The following CORO2B variants were observed in gnomAD, a reference collection of about 807,000 sequenced individuals.
The protein encoded by CORO2B is coronin 2B, also known as coronin-2B.
Under a neutral mutation model 58.8 loss-of-function variants are expected in CORO2B, and 26 were observed. That is an observed-to-expected ratio of 0.44 (90% CI 0.32 to 0.61). The LOEUF (loss-of-function observed/expected upper bound fraction) is 0.61, where lower values mean the gene tolerates loss of function less well. Ranked by LOEUF, CORO2B falls within the 20% of genes least tolerant of loss-of-function variation. CORO2B has a pLI of 0.04. For missense variants in CORO2B, 460 were observed against 645.1 expected, an observed-to-expected ratio of 0.71 and a Z score of 3.11; for synonymous variants, 242 against 253.8, an observed-to-expected ratio of 0.95 and a Z score of 0.44.
At position 68,632,054 on chromosome 15, in the gene CORO2B, C is replaced by T. The variant is rs984112680; in HGVS notation, c.16-13106C>T. ...GAGGGTGACTAGCAGCCAGGCCTCC[C>T]AGGCTCCCAGGCCTCTCAGATGCCT... is the stretch of plus-strand genomic sequence containing the variant. On this transcript the variant is annotated intron_variant, in intron 1 of 11. Coordinates refer to ENST00000261861, the MANE Select transcript of CORO2B (RefSeq NM_006091.5). 12 of 985,328 alleles carry T rather than the reference C, an allele frequency of 1.2e-5. No homozygotes were observed. The African/African-American group carries it at 2.1e-4, about 17-fold the overall frequency. 61.0% of individuals were successfully genotyped at this position (985,328 alleles called of 1,614,324 possible). A position where few individuals can be genotyped will look rare whatever the true frequency, so the allele number is the denominator to read the frequency against.
chr15:68,642,778 T>C (rs1419914338), intron 1 of CORO2B, among the ~76,000 whole-genome samples: 8 of 152,168 alleles, frequency 5.3e-5, no homozygotes, highest in Non-Finnish European at 2.9e-5. Context: ...AGAAGGTCAC[T>C]GTGGACTATG....
At chr15:68,682,814 G>A (rs1902833920) in intron 2 of CORO2B, among the ~76,000 whole-genome samples, 1 of 152,182 alleles carries the variant, frequency 6.6e-6, no homozygotes, top group South Asian at 2.1e-4. Flanking sequence ...TGCTGCTGTA[G>A]CAGTGCTTTA....
the CORO2B span, among the ~76,000 whole-genome samples, chr15:68,535,916 A>T: frequency 5.3e-4 from 80 of 152,356 alleles, no homozygotes; most frequent in South Asian, 1.0e-3. Flanking sequence ...GTGATTCTGG[A>T]ACATTGACCT....
chr15:68,706,471 C>T (rs1219367654), intron 3 of CORO2B, among the ~76,000 whole-genome samples: 4 of 152,186 alleles, frequency 2.6e-5, no homozygotes, highest in Non-Finnish European at 5.9e-5. Flanking sequence ...AGGAGGCCCT[C>T]GGGAGGTGTT....
chr15:68,578,875 G>C (rs879689687), upstream of CORO2B: 3 of 348,154 alleles, frequency 8.6e-6, no homozygotes, highest in Non-Finnish European at 8.1e-6. The surrounding 1 kb of genome is among the most constrained non-coding windows in gnomAD (Gnocchi z 4.2). Flanking sequence ...CTCGGGGCAC[G>C]GCCGCTGGCG....
At chr15:68,591,314 C>T (rs1056113715) in intron 1 of CORO2B, among the ~76,000 whole-genome samples, 4 of 152,134 alleles carry the variant, frequency 2.6e-5, no homozygotes, top group African/African-American at 7.2e-5. Context: ...CCAGGTTGAG[C>T]GGGCAGCGTG....
At chr15:68,706,390 T>A (rs1427126932) in intron 3 of CORO2B, among the ~76,000 whole-genome samples, 1 of 151,392 alleles carries the variant, frequency 6.6e-6, no homozygotes, top group Admixed American at 6.6e-5. Flanking sequence ...AGGCTCTCCG[T>A]CTGCATGCAC....
rs139979643 is a variant in CORO2B at position 68,672,416 on chromosome 15, G to A, written c.217-22724G>A. Among the ~76,000 whole-genome samples the A allele has an allele frequency of 1.7e-3, 260 of 151,726 alleles. 1 individual carries two copies. The highest frequency in any genetic ancestry group is 2.6e-3 in the Non-Finnish European group (178 of 67,932). The stretch of plus-strand genomic sequence containing the variant: ...TACATAGAATGTTTGTATAACAGCC[G>A]GGACATAGATGTGCACCACCATGCC... On this transcript the variant is annotated intron_variant, in intron 2 of 11. Coordinates refer to ENST00000261861, the MANE Select transcript of CORO2B (RefSeq NM_006091.5).
intron 2 of CORO2B, among the ~76,000 whole-genome samples, chr15:68,671,271 T>C (rs776045961): frequency 6.6e-6 from 1 of 152,196 alleles, no homozygotes; most frequent in Non-Finnish European, 1.5e-5. Context: ...TGTTTTTTTT[T>C]CCTACTTTCT....
At chr15:68,540,784 AAC>A in the CORO2B span, among the ~76,000 whole-genome samples, 5 of 152,144 alleles carry the variant, frequency 3.3e-5, no homozygotes, top group Non-Finnish European at 7.4e-5. Flanking sequence ...CACACACACA[AAC>A]ACACACACAG....
At chr15:68,616,933 G>T (rs1483828338) in intron 1 of CORO2B, among the ~76,000 whole-genome samples, 1 of 152,148 alleles carries the variant, frequency 6.6e-6, no homozygotes, top group East Asian at 1.9e-4. Context: ...GGGTTTCAAA[G>T]GAAGAAGGGA....
At chr15:68,639,371 T>C (rs1901134825) in intron 1 of CORO2B, among the ~76,000 whole-genome samples, 1 of 152,198 alleles carries the variant, frequency 6.6e-6, no homozygotes, top group Non-Finnish European at 1.5e-5. Flanking sequence ...CATGCATATC[T>C]AAAGCTTGAA....
chr15:68,695,331 C>T (rs1332859012), intron 3 of CORO2B, 75 bp downstream of exon 3: 5 of 1,029,682 alleles, frequency 4.9e-6, no homozygotes, highest in South Asian at 1.3e-5. Context: ...TCTCTTCCTA[C>T]CCTCCCCTCC....
chr15:68,539,823 A>T, the CORO2B span, among the ~76,000 whole-genome samples: 6 of 152,348 alleles, frequency 3.9e-5, no homozygotes, highest in East Asian at 1.2e-3. Flanking sequence ...AAGTAATAGA[A>T]TGAGTGACAT....
intron 1 of CORO2B, among the ~76,000 whole-genome samples, chr15:68,602,407 T>TCACACACACACACACA (rs370587519): frequency 7.2e-5 from 10 of 139,054 alleles, no homozygotes; most frequent in African/African-American, 2.4e-4. Flanking sequence ...TAGGGGCTGA[T>TCACACACACACACACA]CACACACACA....
chr15:68,591,154 G>A (rs1899695671), intron 1 of CORO2B, among the ~76,000 whole-genome samples: 1 of 152,128 alleles, frequency 6.6e-6, no homozygotes, highest in South Asian at 2.1e-4. Context: ...GTGGAGGCGT[G>A]GAACAGCAGT....
Position 68,579,119 on chromosome 15 carries a change from G to T in CORO2B, c.-144G>T. ...TCCCTGCGCGCTGCCCGCCCGGAGC[G>T]CAGCCCCCAGGCTCGGCCGAGCCGC... is the stretch of plus-strand genomic sequence containing the variant. On this transcript the variant is annotated 5_prime_UTR_variant, in exon 1 of 12. Coordinates refer to ENST00000261861, the MANE Select transcript of CORO2B (RefSeq NM_006091.5). 2 of 982,250 alleles carry T rather than the reference G, an allele frequency of 2.0e-6. No homozygotes were observed. Among genetic ancestry groups the T allele is most frequent in the Non-Finnish European group, 2.4e-6 (2 of 828,666 alleles). 60.8% of individuals were successfully genotyped at this position (982,250 alleles called of 1,614,324 possible).
At chr15:68,679,981 C>A (rs889731579) in intron 2 of CORO2B, among the ~76,000 whole-genome samples, 1 of 152,216 alleles carries the variant, frequency 6.6e-6, no homozygotes, top group African/African-American at 2.4e-5. Context: ...GATTCCATGA[C>A]TTCCATGGGG....
intron 2 of CORO2B, 47 bp from the exon 3 acceptor site, chr15:68,695,093 G>A (rs1465942371): frequency 2.7e-6 from 4 of 1,472,214 alleles, no homozygotes; most frequent in East Asian, 2.3e-5. Flanking sequence ...CCACCCCAGG[G>A]CCATCAAACT....
Sources: gnomAD v4.1 joint callset for allele counts (sites outside exome capture counted in the v4.1 genomes callset) on GRCh38, gnomAD v4.1.1 for gene constraint, Gnocchi (gnomAD v3.1) non-coding constraint, MANE v1.5 for transcripts, NCBI Gene and HGNC (gene_info 2026-07-23, HGNC 2026-07-21) for gene names.